Variants in NBPF14 observed in about 807,000 individuals in gnomAD.
NBPF14 encodes NBPF family member NBPF14.
In NBPF14, 104 loss-of-function variants were observed where a neutral mutation model predicts 91.2. The ratio of observed to expected loss-of-function variants is 1.14; its 90% CI spans 0.97 to 1.34. The LOEUF (loss-of-function observed/expected upper bound fraction) is 1.34. NBPF14 is among the 40% of genes most tolerant of loss of function. The pLI, the probability that NBPF14 is intolerant of heterozygous loss-of-function variation, is 0.00. For synonymous variants in NBPF14, 294 were observed against 303.8 expected, an observed-to-expected ratio of 0.97 and a Z score of 0.34; for missense variants, 908 against 783.0, an observed-to-expected ratio of 1.16 and a Z score of -1.91.
chr1:148,572,702 A>G, intron 20 of NBPF14, 87 bp from the exon 21 acceptor site: 3 of 673,908 alleles, frequency 4.5e-6, no homozygotes, highest in East Asian at 2.7e-5. Context: ...AACGTAAGGA[A>G]GAGTTTGAAA....
chr1:148,577,461 G>T (rs1463526158), intron 14 of NBPF14, 106 bp from the exon 15 acceptor site: 6 of 688,808 alleles, frequency 8.7e-6, no homozygotes, highest in South Asian at 1.6e-5. Flanking sequence ...AAAGAAAAAG[G>T]ACAGATCCAT....
At chr1:148,578,970 G>A in intron 13 of NBPF14, 104 bp downstream of exon 13, 1 of 660,736 alleles carries the variant, frequency 1.5e-6, no homozygotes. Flanking sequence ...TCAGCCCACG[G>A]TGATGGCAAA....
At chr1:148,551,778 A>G (rs1656250063) in intron 47 of NBPF14, among the ~76,000 whole-genome samples, 198 bp downstream of exon 47, 1 of 18,236 alleles carries the variant, frequency 5.5e-5, no homozygotes, top group Non-Finnish European at 8.8e-5. Context: ...TGAGACTAGG[A>G]AGAGAGTCTT....
At position 148,559,960 on chromosome 1, in the gene NBPF14, C is replaced by G. The variant is rs1243556444; in HGVS notation, c.4562G>C (p.Ser1521Thr). ...CCCTTTCTCATGCAGCAGCTCCCTG[C>G]TGAGCCTGGAAAAGTGGAAAAAAGT... Residue 1521 changes from serine (S) to threonine (T), a missense_variant, in exon 37 of 71, where the codon AGC becomes ACC. Around this residue, in one of 13 missense-constraint regions of NBPF14, gnomAD observed 447 missense variants for 189.1 expected, o/e 2.36. Transcript: ENST00000619423. 18 of 1,361,826 alleles carry G rather than the reference C, an allele frequency of 1.3e-5. 1 individual carries two copies. The highest frequency in any genetic ancestry group is 4.1e-5 in the African/African-American group (2 of 49,056). 84.4% of individuals were successfully genotyped at this position (1,361,826 alleles called of 1,614,324 possible). A position where few individuals can be genotyped will look rare whatever the true frequency, so the allele number is the denominator to read the frequency against.
At chr1:148,533,863 G>A (rs1654309039) in exon 70 of NBPF14, 18 of 764,056 alleles carry the variant, frequency 2.4e-5, no homozygotes, top group South Asian at 2.1e-4. Context: ...AAAGTCACCT[G>A]GGGCATGGTG....
At chr1:148,536,010 C>A (rs1312434995) in intron 67 of NBPF14, among the ~76,000 whole-genome samples, 2 of 150,292 alleles carry the variant, frequency 1.3e-5, no homozygotes, top group South Asian at 4.2e-4. Flanking sequence ...GCGCCACAGG[C>A]ATGGCCTGAG....
rs1657371838 is a variant in NBPF14 at position 148,559,731 on chromosome 1, G to C, written c.4729+62C>G. 2 of 879,356 alleles carry C rather than the reference G, an allele frequency of 2.3e-6. 1 individual carries two copies. The highest frequency in any genetic ancestry group is 2.9e-5 in the South Asian group (2 of 68,762). The allele number at this position is 879,356 out of a possible 1,614,324, so 54.5% of individuals were successfully genotyped here. On this transcript the variant is annotated intron_variant, in intron 37 of 70. Coordinates refer to ENST00000619423, the Ensembl canonical transcript of NBPF14. ...AGCTCAGTAAGGGCCACTTGCAGTA[G>C]GAATATGACCCTAACCAGAAGACTC...
At position 148,548,646 on chromosome 1, in the gene NBPF14, T is replaced by C. The variant is rs1655878855; in HGVS notation, c.6418+186A>G. Among the ~76,000 whole-genome samples the C allele has an allele frequency of 3.6e-5, 3 of 83,184 alleles. No individual in the cohort carries two copies. In the South Asian group the frequency reaches 1.4e-3, roughly 38 times the overall value. The allele number at this position is 83,184 out of a possible 152,430, so 54.6% of individuals were successfully genotyped here. ...CTGGAGACTAGGAATAGAGCCTTGC[T>C]CACTGACCCATTTCATGTCTAGGCT... On this transcript the variant is annotated intron_variant, in intron 51 of 70. Transcript: ENST00000619423.
chr1:148,533,712 C>T (rs1307708039), intron 70 of NBPF14, 149 bp downstream of exon 70: 23 of 704,382 alleles, frequency 3.3e-5, no homozygotes, highest in Admixed American at 2.1e-4. Flanking sequence ...GAAACCTAAA[C>T]ATCTACTGCA....
At chr1:148,593,219 TTGAG>T (rs1403549664) in intron 3 of NBPF14, among the ~76,000 whole-genome samples, 1 of 148,466 alleles carries the variant, frequency 6.7e-6, no homozygotes, top group African/African-American at 2.4e-5. Context: ...GCAACATTGA[TTGAG>T]TGAAAGAATG....
chr1:148,538,268 C>G (rs1655367790), intron 64 of NBPF14, among the ~76,000 whole-genome samples: 1 of 64,072 alleles, frequency 1.6e-5, no homozygotes, highest in Non-Finnish European at 3.1e-5. Flanking sequence ...AGAACGAGCT[C>G]AGTGAATTGT....
chr1:148,577,613 A>C (rs1348579069), intron 14 of NBPF14, among the ~76,000 whole-genome samples: 1 of 149,736 alleles, frequency 6.7e-6, no homozygotes, highest in African/African-American at 2.5e-5. Flanking sequence ...TCAATTGGTC[A>C]GGTGACACAC....
At chr1:148,561,874 C>A (rs1657859486) in intron 34 of NBPF14, among the ~76,000 whole-genome samples, 1 of 133,812 alleles carries the variant, frequency 7.5e-6, no homozygotes, top group African/African-American at 3.7e-5. Context: ...GTCCAGGTGA[C>A]ACACTGATGA....
In NBPF14 at chr1:148,595,269, T is replaced by A. The variant is rs1296342849; in HGVS notation, c.175+274A>T. ...ATTCTTGAAAACACGATTGAGCCCC[T>A]TGGAGAAAACAGGTCATTCTGTGCC... On this transcript the variant is annotated intron_variant, in intron 2 of 70. Transcript: ENST00000619423. Among the ~76,000 whole-genome samples the A allele has an allele frequency of 2.7e-5, 4 of 148,166 alleles. 1 individual carries two copies. Among genetic ancestry groups the A allele is most frequent in the African/African-American group, 1.0e-4 (4 of 40,158 alleles).
At position 148,534,504 on chromosome 1, in the gene NBPF14, A is replaced by T. The variant is rs1212031616; in HGVS notation, c.8614+180T>A. Among the ~76,000 whole-genome samples the T allele has an allele frequency of 3.4e-3, 520 of 151,808 alleles. 12 individuals carry two copies. The highest frequency in any genetic ancestry group is 0.012 in the African/African-American group (482 of 41,302). Reference sequence around the variant, plus strand: ...ACTAGGAAGAGAGTCTTGCTCACTGACCCATTTCATGTCTAGGCTTCCAGC... The same window carrying T: ...ACTAGGAAGAGAGTCTTGCTCACTGTCCCATTTCATGTCTAGGCTTCCAGC... On this transcript the variant is annotated intron_variant, in intron 69 of 70. Coordinates refer to ENST00000619423, the Ensembl canonical transcript of NBPF14.
intron 69 of NBPF14, 133 bp downstream of exon 69, chr1:148,534,551 A>T: frequency 2.8e-6 from 2 of 719,820 alleles, no homozygotes; most frequent in Non-Finnish European, 5.1e-6. Context: ...TTTCATTACA[A>T]CCTATATGCG....
chr1:148,572,570 C>G lies in NBPF14; in HGVS notation c.2631G>C (p.Gln877His), dbSNP rs1659256147. ...TCGAATAACATCTATCCAGTGAGTCCTGCAAGACTTCAGGCTCTTTCTCAT... is the reference window on the plus strand; with the variant it reads ...TCGAATAACATCTATCCAGTGAGTCGTGCAAGACTTCAGGCTCTTTCTCAT... The change falls in exon 21 of 71, where the codon CAG (glutamine) becomes CAC (histidine). Residue 877 changes from glutamine (Q) to histidine (H), a missense_variant. Around this residue, in one of 13 missense-constraint regions of NBPF14, gnomAD observed 447 missense variants for 189.1 expected, o/e 2.36. Coordinates refer to ENST00000619423, the Ensembl canonical transcript of NBPF14. The G allele has an allele frequency of 4.6e-6, 3 of 651,646 alleles. 1 individual carries two copies. The highest frequency in any genetic ancestry group is 3.1e-5 in the South Asian group (2 of 63,774). 40.4% of individuals were successfully genotyped at this position (651,646 alleles called of 1,614,324 possible).
exon 71 of NBPF14, chr1:148,532,483 A>C: frequency 6.6e-6 from 1 of 150,706 alleles, no homozygotes; most frequent in African/African-American, 2.5e-5. Flanking sequence ...AAAGGAGTCT[A>C]GCGGGTTAAC....
intron 69 of NBPF14, among the ~76,000 whole-genome samples, chr1:148,534,236 AT>A (rs1239500273): frequency 6.6e-6 from 1 of 151,214 alleles, no homozygotes; most frequent in Non-Finnish European, 1.5e-5. Context: ...GTTACGCCAT[AT>A]TTTTCCAATC....
Sources: allele counts gnomAD v4.1 joint callset (sites outside exome capture counted in the v4.1 genomes callset), GRCh38; gene constraint gnomAD v4.1.1; regional missense constraint gnomAD v4.1.1; transcripts MANE v1.5; gene names NCBI Gene and HGNC (gene_info 2026-07-23, HGNC 2026-07-21).